RTL4: variants seen among roughly 807,000 people sequenced by gnomAD.
RTL4 encodes the protein retrotransposon Gag like 4, also known as retrotransposon Gag-like protein 4.
In RTL4, 4 loss-of-function variants were observed where a neutral mutation model predicts 5.3. That is an observed-to-expected ratio of 0.75 (90% CI 0.37 to 1.72). RTL4 has a LOEUF of 1.72. RTL4 is among the 40% of genes most tolerant of loss of function. RTL4 has a pLI of 0.04. For synonymous variants in RTL4, 98 were observed against 87.3 expected (o/e 1.12, Z -0.68); for missense variants, 260 against 227.1 (o/e 1.14, Z -0.93).
At chrX:112,185,567 A>C in the RTL4 span, among the ~76,000 whole-genome samples, 6 of 107,806 alleles carry the variant, frequency 5.6e-5, no homozygotes, top group Admixed American at 5.1e-4. Flanking sequence ...CCTGTGCATA[A>C]TTACAAACAG....
the RTL4 span, among the ~76,000 whole-genome samples, chrX:112,211,486 G>A: frequency 4.5e-5 from 5 of 112,303 alleles, no homozygotes; most frequent in East Asian, 5.6e-4. Context: ...GACCATGAGC[G>A]TGGCAAACAG....
chrX:112,376,094 G>C, the RTL4 span, among the ~76,000 whole-genome samples: 1 of 110,791 alleles, frequency 9.0e-6, no homozygotes, highest in African/African-American at 3.3e-5. Context: ...GATGCTACTG[G>C]AATCTCGTGG....
the RTL4 span, among the ~76,000 whole-genome samples, chrX:112,084,521 A>T: frequency 9.1e-6 from 1 of 110,366 alleles, no homozygotes; most frequent in African/African-American, 3.3e-5. Context: ...AAAAAAAATC[A>T]CTTGATTCTT....
At chrX:112,398,950 G>A in the RTL4 span, among the ~76,000 whole-genome samples, 1 of 112,055 alleles carries the variant, frequency 8.9e-6, no homozygotes, top group African/African-American at 3.2e-5. Flanking sequence ...AGATGTCTTT[G>A]TGGTAAAGTT....
At chrX:112,298,894 C>T in the RTL4 span, among the ~76,000 whole-genome samples, 3 of 112,740 alleles carry the variant, frequency 2.7e-5, no homozygotes, top group Non-Finnish European at 5.6e-5. Context: ...ATCAAAGCAA[C>T]GCTCTGTAAA....
chrX:112,437,296 A>T, the RTL4 span, among the ~76,000 whole-genome samples: 37 of 111,946 alleles, frequency 3.3e-4, no homozygotes, highest in Non-Finnish European at 3.4e-4. Flanking sequence ...ATTAGTTAAG[A>T]ATATAGAGCT....
At chrX:112,319,064 T>C in the RTL4 span, among the ~76,000 whole-genome samples, 158 of 111,948 alleles carry the variant, frequency 1.4e-3, 1 homozygote, top group African/African-American at 4.0e-3. Flanking sequence ...ACTAAACATG[T>C]GCAGGACCTT....
At chrX:112,352,054 G>A in the RTL4 span, among the ~76,000 whole-genome samples, 3 of 111,132 alleles carry the variant, frequency 2.7e-5, no homozygotes, top group Admixed American at 9.6e-5. Flanking sequence ...CTCTTTTATG[G>A]CAGGCCTGGT....
chrX:112,321,200 A>G, the RTL4 span, among the ~76,000 whole-genome samples: 10 of 111,999 alleles, frequency 8.9e-5, no homozygotes, highest in Non-Finnish European at 1.3e-4. Context: ...TAACCTGACT[A>G]TTCTGAGGTT....
At chrX:112,397,667 T>C in the RTL4 span, among the ~76,000 whole-genome samples, 1 of 112,303 alleles carries the variant, frequency 8.9e-6, no homozygotes, top group East Asian at 2.8e-4. Flanking sequence ...CATTGACTTC[T>C]TTCATCGGTG....
the RTL4 span, among the ~76,000 whole-genome samples, chrX:112,290,352 A>T: frequency 1.8e-5 from 2 of 111,676 alleles, no homozygotes; most frequent in Non-Finnish European, 3.8e-5. Flanking sequence ...TTTATAAAGG[A>T]GAGAGAATCT....
chrX:112,169,936 C>T, the RTL4 span, among the ~76,000 whole-genome samples: 2 of 112,019 alleles, frequency 1.8e-5, no homozygotes, highest in Non-Finnish European at 3.8e-5. Flanking sequence ...GCATTAGGTA[C>T]TTTAAGAAAG....
the RTL4 span, among the ~76,000 whole-genome samples, chrX:112,212,302 A>G: frequency 5.0e-3 from 554 of 111,654 alleles, 6 homozygotes; most frequent in East Asian, 0.045. Context: ...GCGTGAACCC[A>G]GGAGGCGGAG....
the RTL4 span, among the ~76,000 whole-genome samples, chrX:112,332,723 C>T: frequency 2.8e-5 from 3 of 108,825 alleles, no homozygotes; most frequent in Non-Finnish European, 5.7e-5. Flanking sequence ...GGAGATATAC[C>T]TAGTGTAAAT....
chrX:112,380,110 A>G, the RTL4 span, among the ~76,000 whole-genome samples: 4 of 110,497 alleles, frequency 3.6e-5, no homozygotes, highest in Non-Finnish European at 7.5e-5. Context: ...TTCTTTCACT[A>G]AGAATAATGG....
exon 1 of RTL4, chrX:112,455,800 T>C (rs58883489): frequency 0.25 from 145,091 of 591,325 alleles, 14,267 homozygotes; most frequent in African/African-American, 0.49. Flanking sequence ...TTGGGGGAAT[T>C]TAAACAATCA....
At chrX:112,355,699 G>C in the RTL4 span, among the ~76,000 whole-genome samples, 124 of 111,180 alleles carry the variant, frequency 1.1e-3, 6 homozygotes, top group Non-Finnish European at 7.4e-4. Flanking sequence ...GGATGATCCT[G>C]AGGATGAATT....
chrX:112,411,352 A>G, the RTL4 span, among the ~76,000 whole-genome samples: 4 of 111,726 alleles, frequency 3.6e-5, no homozygotes, highest in Admixed American at 9.5e-5. Context: ...AACTCATTCT[A>G]TGAGGCCAGT....
At chrX:112,099,502 G>A in the RTL4 span, among the ~76,000 whole-genome samples, 7 of 111,268 alleles carry the variant, frequency 6.3e-5, no homozygotes, top group African/African-American at 2.3e-4. Context: ...GGAACAGCAC[G>A]TGCAAAACTA....
Sources: gnomAD v4.1 joint callset for allele counts (sites outside exome capture counted in the v4.1 genomes callset) on GRCh38, gnomAD v4.1.1 for gene constraint, MANE v1.5 for transcripts, NCBI Gene and HGNC (gene_info 2026-07-23, HGNC 2026-07-21) for gene names.